Variants in GKAP1 observed in about 807,000 individuals in gnomAD.
The protein encoded by GKAP1 is G kinase-anchoring protein 1.
GKAP1 carries 31 observed loss-of-function variants against 56.7 expected under a neutral mutation model. The observed-to-expected ratio is 0.55, with a 90% CI of 0.41 to 0.74. The LOEUF (loss-of-function observed/expected upper bound fraction) is 0.74. Ranked by LOEUF, GKAP1 falls within the 30% of genes least tolerant of loss-of-function variation. The pLI is 0.00. For synonymous variants in GKAP1, 151 were observed against 138.6 expected (o/e 1.09, Z -0.63); for missense variants, 364 against 402.3 (o/e 0.90, Z 0.82).
At chr9:83,804,811 T>A (rs186099) in intron 3 of GKAP1, among the ~76,000 whole-genome samples, 45,409 of 114,870 alleles carry the variant, frequency 0.4, 10,772 homozygotes, top group African/African-American at 0.53. Context: ...GAGGAGCCCC[T>A]CTGCCTGGTC....
At chr9:83,774,474 G>A (rs1447365885) in intron 7 of GKAP1, among the ~76,000 whole-genome samples, 1 of 151,350 alleles carries the variant, frequency 6.6e-6, no homozygotes, top group Non-Finnish European at 1.5e-5. Context: ...GTGGTGGCAT[G>A]TGCCTGTAGT....
At chr9:83,797,534 C>T (rs1944266953) in intron 4 of GKAP1, among the ~76,000 whole-genome samples, 1 of 152,236 alleles carries the variant, frequency 6.6e-6, no homozygotes, top group South Asian at 2.1e-4. Flanking sequence ...TACTTCCACA[C>T]ATTATTTTCT....
intron 12 of GKAP1, among the ~76,000 whole-genome samples, chr9:83,741,539 A>T (rs1943208664): frequency 6.6e-6 from 1 of 152,124 alleles, no homozygotes; most frequent in Non-Finnish European, 1.5e-5. Context: ...AAGCCACTAG[A>T]TGAAAAGGGT....
chr9:83,779,197 C>T (rs945632675), intron 7 of GKAP1, among the ~76,000 whole-genome samples: 21 of 151,760 alleles, frequency 1.4e-4, no homozygotes, highest in South Asian at 6.2e-4. Context: ...TATATGTAGT[C>T]ATTTAAATTT....
At chr9:83,747,415 A>G (rs999148153) in intron 10 of GKAP1, among the ~76,000 whole-genome samples, 20 of 152,166 alleles carry the variant, frequency 1.3e-4, no homozygotes, top group African/African-American at 4.8e-4. Context: ...GGAAATAAGG[A>G]AACAAAAAGG....
chr9:83,772,363 T>C (rs1459798608), intron 7 of GKAP1, among the ~76,000 whole-genome samples: 1 of 152,164 alleles, frequency 6.6e-6, no homozygotes, highest in African/African-American at 2.4e-5. Context: ...AAGAGTGTTG[T>C]GCTGGGAGAA....
chr9:83,742,179 A>T, intron 11 of GKAP1, 150 bp from the exon 12 acceptor site: 2 of 646,506 alleles, frequency 3.1e-6, no homozygotes, highest in Non-Finnish European at 5.4e-6. Context: ...TATTGTACAC[A>T]GCTCTATGTT....
intron 7 of GKAP1, among the ~76,000 whole-genome samples, chr9:83,779,225 A>G (rs1323066112): frequency 6.6e-6 from 1 of 151,936 alleles, no homozygotes; most frequent in East Asian, 1.9e-4. Context: ...AAAAATGATG[A>G]CAATGGTTTG....
At chr9:83,813,446 A>G (rs749917398) in intron 2 of GKAP1, among the ~76,000 whole-genome samples, 24 of 152,166 alleles carry the variant, frequency 1.6e-4, no homozygotes, top group Non-Finnish European at 3.1e-4. Context: ...CCTCCCTTTG[A>G]GTTCCTTTTA....
intron 8 of GKAP1, among the ~76,000 whole-genome samples, chr9:83,759,625 T>C (rs1943535692): frequency 6.6e-6 from 1 of 152,210 alleles, no homozygotes; most frequent in Admixed American, 6.5e-5. Flanking sequence ...TTTTTGGACA[T>C]GTCTTCAGGG....
intron 2 of GKAP1, among the ~76,000 whole-genome samples, chr9:83,816,007 G>A (rs1378092559): frequency 4.5e-5 from 5 of 112,142 alleles, no homozygotes; most frequent in African/African-American, 3.6e-5. Flanking sequence ...CCAACAAGGC[G>A]AAACACCGTC....
chr9:83,804,630 T>C (rs984456531), intron 3 of GKAP1, among the ~76,000 whole-genome samples: 1 of 101,580 alleles, frequency 9.8e-6, no homozygotes, highest in Non-Finnish European at 2.0e-5. Flanking sequence ...GTGGGGGGGG[T>C]CAGCCCCCCG....
intron 3 of GKAP1, among the ~76,000 whole-genome samples, chr9:83,801,917 T>G (rs893709691): frequency 6.6e-6 from 1 of 152,150 alleles, no homozygotes; most frequent in Non-Finnish European, 1.5e-5. Context: ...CAGAAAGCAA[T>G]GGAGATGGAA....
At chr9:83,811,877 T>C (rs1322424908) in intron 2 of GKAP1, among the ~76,000 whole-genome samples, 1 of 151,896 alleles carries the variant, frequency 6.6e-6, no homozygotes, top group Non-Finnish European at 1.5e-5. Flanking sequence ...TGTGCTATGC[T>C]ATACTTAAAA....
rs550482721 is a variant in GKAP1 at position 83,809,983 on chromosome 9, A to AT, written c.-43-3424dup. ...CCACCATGCCTGGCTAATTTTTTCT[A>AT]TTTTTTTTATAGAGATGGGGGTCTC... On this transcript the variant is annotated intron_variant, in intron 2 of 12. Coordinates refer to ENST00000376371, the MANE Select transcript of GKAP1 (RefSeq NM_025211.4). Among the ~76,000 whole-genome samples the AT allele has an allele frequency of 4.0e-3, 604 of 151,538 alleles. 10 individuals are homozygous for AT. Among genetic ancestry groups the AT allele is most frequent in the African/African-American group, 0.013 (547 of 41,334 alleles).
At chr9:83,799,140 A>G in intron 4 of GKAP1, 45 bp downstream of exon 4, 1 of 1,574,374 alleles carries the variant, frequency 6.4e-7, no homozygotes, top group Non-Finnish European at 8.7e-7. Context: ...TGAAAAATCC[A>G]TAAATTCAAT....
chr9:83,746,772 G>T (rs1006742939), intron 10 of GKAP1, among the ~76,000 whole-genome samples: 1 of 152,092 alleles, frequency 6.6e-6, no homozygotes, highest in Admixed American at 6.6e-5. Context: ...TGGCATAAAT[G>T]CTATGTAAAT....
chr9:83,787,220 C>T (rs1161496784), intron 5 of GKAP1, among the ~76,000 whole-genome samples: 1 of 152,186 alleles, frequency 6.6e-6, no homozygotes, highest in African/African-American at 2.4e-5. Flanking sequence ...CTATAAATAA[C>T]TAGCAAAATC....
At chr9:83,770,058 G>GT (rs1943731344) in intron 7 of GKAP1, among the ~76,000 whole-genome samples, 1 of 151,996 alleles carries the variant, frequency 6.6e-6, no homozygotes, top group East Asian at 1.9e-4. Flanking sequence ...TGGGTTACTT[G>GT]TTTTTTTGAG....
Sources: gnomAD v4.1 joint callset for allele counts (sites outside exome capture counted in the v4.1 genomes callset) on GRCh38, gnomAD v4.1.1 for gene constraint, MANE v1.5 for transcripts, NCBI Gene and HGNC (gene_info 2026-07-23, HGNC 2026-07-21) for gene names.